Variants in MRPL38 observed in about 807,000 individuals in gnomAD.
The protein encoded by MRPL38 is mitochondrial ribosomal protein L38.
Under a neutral mutation model 52.1 loss-of-function variants are expected in MRPL38, and 51 were observed. That is an observed-to-expected ratio of 0.98 (90% CI 0.78 to 1.24). MRPL38 has a LOEUF of 1.24. Among genes scored for constraint, MRPL38 ranks in the 50% most tolerant of loss-of-function variants. The pLI, the probability that MRPL38 is intolerant of heterozygous loss-of-function variation, is 0.00. For synonymous variants in MRPL38, 245 were observed against 212.7 expected, an observed-to-expected ratio of 1.15 and a Z score of -1.32; for missense variants, 527 against 518.6, an observed-to-expected ratio of 1.02 and a Z score of -0.16.
intron 6 of MRPL38, 70 bp from the exon 7 acceptor site, chr17:75,899,744 C>A (rs2065395691): frequency 1.5e-6 from 2 of 1,351,620 alleles, no homozygotes; most frequent in Non-Finnish European, 2.0e-6. Flanking sequence ...CAGCTCCATG[C>A]ACACCCTAGA....
In MRPL38 at chr17:75,901,658, G is replaced by T; in HGVS notation, c.591+54C>A. The T allele has an allele frequency of 6.8e-7, 1 of 1,470,758 alleles. No individual in the cohort carries two copies. The highest frequency in any genetic ancestry group is 2.3e-5 in the East Asian group (1 of 43,944). The allele number at this position is 1,470,758 out of a possible 1,614,324, so 91.1% of individuals were successfully genotyped here. ...CAGGAGTGTCTGTGACACTGAGATG[G>T]GATGTGTCTGTGTTTGCACAGGGCA... On this transcript the variant is annotated intron_variant, in intron 4 of 8. Coordinates refer to ENST00000309352, the MANE Select transcript of MRPL38 (RefSeq NM_032478.4). This position sits in a 1 kb window ranked among gnomAD's most constrained non-coding sequence, Gnocchi z 5.7.
At position 75,899,002 on chromosome 17, in the gene MRPL38, G is replaced by T. The variant is rs369068212; in HGVS notation, c.1007-16C>A. The T allele has an allele frequency of 6.3e-7, 1 of 1,575,676 alleles. No individual in the cohort carries two copies. Among genetic ancestry groups the T allele is most frequent in the African/African-American group, 1.3e-5 (1 of 74,370 alleles). The stretch of plus-strand genomic sequence containing the variant: ...TCCCGCATGTCTGCAAGAAGAGTGA[G>T]GGGTACGGGGTGGTCTGCTGGCCTG... On this transcript the variant is annotated splice_polypyrimidine_tract_variant and intron_variant, in intron 8 of 8. Transcript: ENST00000309352.
At position 75,904,675 on chromosome 17, in the gene MRPL38, T is replaced by C. The variant is rs1387857956; in HGVS notation, c.112A>G (p.Ser38Gly). ...TCCAGGTTGCTCAAGTCGATGTCAC[T>C]GTTGGGCATCGGCCCCAGCGGGGGT... The part of the protein sequence containing the change: ...RTPPLGPMPN[S>G]DIDLSNLERL... Residue 38 changes from serine to glycine, a missense_variant, in exon 2 of 9, where the codon AGT (serine) becomes GGT (glycine). Physicochemically the swap from Ser to Gly is moderately conservative, Grantham distance 56 (BLOSUM62 0). Coordinates refer to ENST00000309352, the MANE Select transcript of MRPL38 (RefSeq NM_032478.4). The C allele has an allele frequency of 1.4e-5, 23 of 1,596,628 alleles. No homozygotes were observed. In the Admixed American group the frequency reaches 3.9e-4, roughly 27 times the overall value.
At position 75,898,767 on chromosome 17, in the gene MRPL38, C is replaced by A; in HGVS notation, c.*83G>T. On this transcript the variant is annotated 3_prime_UTR_variant, in exon 9 of 9. Coordinates refer to ENST00000309352, the MANE Select transcript of MRPL38 (RefSeq NM_032478.4). The stretch of plus-strand genomic sequence containing the variant: ...GGGCTGCCTAAGGCAGGGCCCAGAC[C>A]CCACAGTGTGGGCCTCTGGAGCTGT... The A allele has an allele frequency of 4.5e-6, 7 of 1,543,652 alleles. No homozygotes were observed. Among genetic ancestry groups the A allele is most frequent in the Non-Finnish European group, 6.2e-6 (7 of 1,133,816 alleles).
chr17:75,899,098 C>A, intron 8 of MRPL38, 60 bp downstream of exon 8: 1 of 1,551,082 alleles, frequency 6.4e-7, no homozygotes, highest in East Asian at 2.3e-5. Context: ...TTCTCCCTGG[C>A]AGGGCAGGCG....
rs2065407247 is a variant in MRPL38, at chr17:75,902,030, G to A, written c.372C>T (p.Arg124=). ...CCTGAGAAGGCTTACCTGTGCGGAGGCGGGCAGCCCGCTCCTCTTCCACAT... is the reference window on the plus strand; with the variant it reads ...CCTGAGAAGGCTTACCTGTGCGGAGACGGGCAGCCCGCTCCTCTTCCACAT... ...RANVEEERAA[R]LRTASVPLDA... Residue 124 remains arginine, a synonymous_variant, in exon 3 of 9, where the codon CGC becomes CGT. Coordinates refer to ENST00000309352, the MANE Select transcript of MRPL38 (RefSeq NM_032478.4). The A allele has an allele frequency of 6.2e-7, 1 of 1,613,698 alleles. No homozygotes were observed.
In MRPL38 at chr17:75,899,152, C is replaced by T. The variant is rs1045276811; in HGVS notation, c.1006+6G>A. Reference sequence around the variant, plus strand: ...CCACCCAGTGCCCCAGCCCCATGGCCCTTACCCAGAAGCTGGTGGAAGATG... The same window carrying T: ...CCACCCAGTGCCCCAGCCCCATGGCTCTTACCCAGAAGCTGGTGGAAGATG... On this transcript the variant is annotated splice_donor_region_variant and intron_variant, in intron 8 of 8. Coordinates refer to ENST00000309352, the MANE Select transcript of MRPL38 (RefSeq NM_032478.4). The T allele has an allele frequency of 6.3e-7, 1 of 1,599,106 alleles. No homozygotes were observed. Among genetic ancestry groups the T allele is most frequent in the African/African-American group, 1.3e-5 (1 of 74,662 alleles).
At chr17:75,899,333 G>C (rs1399652791) in intron 7 of MRPL38, 39 bp from the exon 8 acceptor site, 3 of 1,602,110 alleles carry the variant, frequency 1.9e-6, no homozygotes, top group South Asian at 1.1e-5. Flanking sequence ...TGTGGAGTGG[G>C]GCACCAGAGC....
chr17:75,904,772 C>CCG, intron 1 of MRPL38, 37 bp downstream of exon 1: 2 of 51,042 alleles, frequency 3.9e-5, no homozygotes, highest in Non-Finnish European at 5.1e-5. Context: ...GGGCGACAGC[C>CCG]CCCCCCCCCC....
Position 75,901,737 on chromosome 17 carries a change from C to G in MRPL38, c.566G>C (p.Cys189Ser), listed in dbSNP as rs1330678231. The G allele has an allele frequency of 6.2e-7, 1 of 1,613,792 alleles. No individual in the cohort carries two copies. The highest frequency in any genetic ancestry group is 2.2e-5 in the East Asian group (1 of 44,868). ...CTCGGTTGGAGTCACCTCATTGCCACAGTACACAGGCATCAGGTCATCCTC... is the reference window on the plus strand; with the variant it reads ...CTCGGTTGGAGTCACCTCATTGCCAGAGTACACAGGCATCAGGTCATCCTC... ...VGEDDLMPVY[C>S]GNEVTPTEAA... The change falls in exon 4 of 9, where the codon TGT becomes TCT. Residue 189 changes from cysteine (C) to serine (S), a missense_variant. Cys to Ser is a moderately radical substitution (Grantham distance 112). Transcript: ENST00000309352. This position sits in a 1 kb window ranked among gnomAD's most constrained non-coding sequence, Gnocchi z 5.7.
chr17:75,902,107 G>C lies in MRPL38; in HGVS notation c.295C>G (p.Arg99Gly). 6.3e-7 allele frequency: 1 copy of C among 1,593,066 alleles called. No individual in the cohort carries two copies. Among genetic ancestry groups the C allele is most frequent in the Non-Finnish European group, 8.5e-7 (1 of 1,170,088 alleles). The change falls in exon 3 of 9, where the codon CGG becomes GGG. Residue 99 changes from arginine (R) to glycine (G), a missense_variant. Coordinates refer to ENST00000309352, the MANE Select transcript of MRPL38 (RefSeq NM_032478.4). ...TTCCGTTCCAGTAGCTGTTGGGTCC[G>C]GGAGACTTTGGGTGGAGGCAGCCCA... ...DIGLPPPKVS[R>G]TQQLLERKQA...
chr17:75,900,757 G>A, intron 6 of MRPL38: 1 of 1,354,862 alleles, frequency 7.4e-7, no homozygotes, highest in Non-Finnish European at 9.4e-7. Flanking sequence ...AAGATGAGGA[G>A]GCTTGTGGGG....
rs779303444 is a variant in MRPL38 at position 75,899,656 on chromosome 17, G to T, written c.729C>A (p.Asn243Lys). Reference protein sequence around the residue: ...LHWLLTNIPGNRVAEGQVTCP... With the variant: ...LHWLLTNIPGKRVAEGQVTCP... ...ACGTCACCTGTCCTTCAGCCACCCG[G>T]TTACCCGGGATGTTGGTTCTGGGAG... Residue 243 changes from asparagine (N) to lysine (K), a missense_variant, in exon 7 of 9, where the codon AAC becomes AAA. Coordinates refer to ENST00000309352, the MANE Select transcript of MRPL38 (RefSeq NM_032478.4). 1 of 1,581,250 alleles carries T rather than the reference G, an allele frequency of 6.3e-7. No individual in the cohort carries two copies. Among genetic ancestry groups the T allele is most frequent in the African/African-American group, 1.3e-5 (1 of 74,116 alleles).
In MRPL38 at chr17:75,902,106, C is replaced by T. The variant is rs370578614; in HGVS notation, c.296G>A (p.Arg99Gln). ...DIGLPPPKVS[R>Q]TQQLLERKQA... ...TTTCCGTTCCAGTAGCTGTTGGGTC[C>T]GGGAGACTTTGGGTGGAGGCAGCCC... is the stretch of plus-strand genomic sequence containing the variant. The change falls in exon 3 of 9, where the codon CGG becomes CAG. Residue 99 changes from arginine (R) to glutamine (Q), a missense_variant. By Grantham distance (43) the Arg-to-Gln change is conservative (BLOSUM62 1). Transcript: ENST00000309352. The T allele has an allele frequency of 8.2e-5, 131 of 1,597,256 alleles. No individual in the cohort carries two copies. The highest frequency in any genetic ancestry group is 1.0e-4 in the Non-Finnish European group (120 of 1,172,350).
Position 75,898,710 on chromosome 17 carries a change from C to G in MRPL38, c.*140G>C. The stretch of plus-strand genomic sequence containing the variant: ...ACCTGAGAGTCACTTTCACTCCAAG[C>G]CCTGGGCCTGACGGGAGGGGGCCAA... On this transcript the variant is annotated 3_prime_UTR_variant, in exon 9 of 9. Transcript: ENST00000309352. 1.0e-6 allele frequency: 1 copy of G among 966,426 alleles called. No individual in the cohort carries two copies. The highest frequency in any genetic ancestry group is 1.6e-5 in the South Asian group (1 of 63,932). 59.9% of individuals were successfully genotyped at this position (966,426 alleles called of 1,614,324 possible). A position where few individuals can be genotyped will look rare whatever the true frequency, so the allele number is the denominator to read the frequency against.
chr17:75,899,305 A>C lies in MRPL38; in HGVS notation c.870-11T>G, dbSNP rs142772607. On this transcript the variant is annotated splice_polypyrimidine_tract_variant and intron_variant, in intron 7 of 8. Coordinates refer to ENST00000309352, the MANE Select transcript of MRPL38 (RefSeq NM_032478.4). ...TGGGCCAGCTGATAGCTATGAGAAGATAGAGAGCGTATGAGAGTGTGGAGT... is the reference window on the plus strand; with the variant it reads ...TGGGCCAGCTGATAGCTATGAGAAGCTAGAGAGCGTATGAGAGTGTGGAGT... 2 of 1,611,866 alleles carry C rather than the reference A, an allele frequency of 1.2e-6. No individual in the cohort carries two copies. The highest frequency in any genetic ancestry group is 1.1e-5 in the South Asian group (1 of 90,770).
intron 6 of MRPL38, 31 bp downstream of exon 6, chr17:75,900,951 C>CA (rs1176415882): frequency 2.6e-6 from 4 of 1,566,172 alleles, no homozygotes; most frequent in African/African-American, 3.7e-5. Context: ...GCCTGGGCAG[C>CA]ACCCCCTACC....
Position 75,904,548 on chromosome 17 carries a change from T to G in MRPL38, c.239A>C (p.Glu80Ala). The G allele has an allele frequency of 6.5e-7, 1 of 1,546,702 alleles. No homozygotes were observed. The highest frequency in any genetic ancestry group is 8.6e-7 in the Non-Finnish European group (1 of 1,156,678). ...WWRTYREYFG[E>A]KTDPKEKIDI... ...CTCCAGTCGCCCCGCACCTGTCTTCTCCCCGAAATACTCTCGGTAGGTCCG... is the reference window on the plus strand; with the variant it reads ...CTCCAGTCGCCCCGCACCTGTCTTCGCCCCGAAATACTCTCGGTAGGTCCG... Residue 80 changes from glutamate (E) to alanine (A), a missense_variant, in exon 2 of 9, where the codon GAG (glutamate) becomes GCG (alanine). Transcript: ENST00000309352.
intron 2 of MRPL38, chr17:75,904,314 C>G: frequency 1.4e-6 from 1 of 702,096 alleles, no homozygotes; most frequent in Non-Finnish European, 2.7e-6. Context: ...AGCTGGAACT[C>G]TAATAGTAGG....
Sources: allele counts gnomAD v4.1 joint callset, GRCh38; gene constraint gnomAD v4.1.1; non-coding constraint Gnocchi (gnomAD v3.1); transcripts MANE v1.5; gene names NCBI Gene and HGNC (gene_info 2026-07-23, HGNC 2026-07-21).